NRG3: variants seen among roughly 807,000 people sequenced by gnomAD.
The protein encoded by NRG3 is pro-neuregulin-3, membrane-bound isoform.
In NRG3, 31 loss-of-function variants were observed where a neutral mutation model predicts 66.9. That is an observed-to-expected ratio of 0.46 (90% confidence interval 0.35 to 0.63). NRG3 has a LOEUF of 0.63. Among genes scored for constraint, NRG3 ranks in the 20% least tolerant of loss-of-function variants. The pLI, the probability that NRG3 is intolerant of heterozygous loss-of-function variation, is 0.00. For missense variants in NRG3, 910 were observed against 878.9 expected (o/e 1.04, Z -0.45); for synonymous variants, 393 against 359.4 (o/e 1.09, Z -1.06).
At chr10:82,398,522 T>TGAGA (rs756421839) in intron 2 of NRG3, among the ~76,000 whole-genome samples, 14,740 of 140,448 alleles carry the variant, frequency 0.1, 809 homozygotes, top group East Asian at 0.23. Context: ...TGTGTGTGTG[T>TGAGA]GTGTGAGAGA....
At chr10:82,764,319 G>A (rs1476883425) in intron 3 of NRG3, among the ~76,000 whole-genome samples, 2 of 151,830 alleles carry the variant, frequency 1.3e-5, no homozygotes, top group African/African-American at 4.8e-5. Flanking sequence ...ACAGGTGTGA[G>A]CCACCAGACC....
chr10:82,719,758 C>T (rs2057185740), intron 2 of NRG3, among the ~76,000 whole-genome samples: 1 of 152,146 alleles, frequency 6.6e-6, no homozygotes, highest in Non-Finnish European at 1.5e-5. Context: ...ACTTTATCAT[C>T]CCCTGCTTAG....
intron 1 of NRG3, among the ~76,000 whole-genome samples, chr10:82,322,694 T>C (rs2081640434): frequency 6.6e-6 from 1 of 152,208 alleles, no homozygotes; most frequent in African/African-American, 2.4e-5. Flanking sequence ...TTTGAGAATC[T>C]TTATGTACTA....
rs139287655 is a variant in NRG3, at chr10:82,477,052, A to G, written c.953+118184A>G. Among the ~76,000 whole-genome samples, 1,094 of 152,280 alleles carry G rather than the reference A, an allele frequency of 7.2e-3. 9 individuals carry two copies. The highest frequency in any genetic ancestry group is 0.051 in the Middle Eastern group (15 of 294). ...CCAGGGTGAACAGCAGAATCTGAGT[A>G]TAAAACCACATGTGAACTAGTGCTG... On this transcript the variant is annotated intron_variant, in intron 2 of 8. Coordinates refer to ENST00000372141, the MANE Select transcript of NRG3 (RefSeq NM_001010848.4).
At chr10:82,245,426 C>T (rs1314586463) in intron 1 of NRG3, among the ~76,000 whole-genome samples, 2 of 152,120 alleles carry the variant, frequency 1.3e-5, no homozygotes, top group Non-Finnish European at 1.5e-5. Context: ...GGCCAAAGAC[C>T]AATACAGGTC....
At chr10:82,702,925 A>G (rs2056000876) in intron 2 of NRG3, among the ~76,000 whole-genome samples, 1 of 152,112 alleles carries the variant, frequency 6.6e-6, no homozygotes, top group Non-Finnish European at 1.5e-5. Context: ...GAAAAATGGT[A>G]TATGTATAAT....
At chr10:82,661,237 C>A (rs2052335063) in intron 2 of NRG3, among the ~76,000 whole-genome samples, 1 of 152,140 alleles carries the variant, frequency 6.6e-6, no homozygotes, top group East Asian at 1.9e-4. Context: ...AACACACAAA[C>A]TAACTCAAGT....
intron 2 of NRG3, among the ~76,000 whole-genome samples, chr10:82,715,812 C>A (rs1446566026): frequency 6.6e-6 from 1 of 152,110 alleles, no homozygotes; most frequent in Non-Finnish European, 1.5e-5. Context: ...GTTCTGGAGG[C>A]TGGAGGTTGA....
At chr10:82,854,622 G>A (rs575901512) in intron 3 of NRG3, among the ~76,000 whole-genome samples, 18 of 152,194 alleles carry the variant, frequency 1.2e-4, no homozygotes, top group Non-Finnish European at 1.9e-4. Flanking sequence ...GGACAAGCCC[G>A]ACTTCCGAAG....
intron 2 of NRG3, among the ~76,000 whole-genome samples, chr10:82,560,982 C>T (rs759975475): frequency 6.6e-6 from 1 of 152,028 alleles, no homozygotes; most frequent in African/African-American, 2.4e-5. Context: ...TCTTTGCAGA[C>T]ATAGATCTAT....
At chr10:81,940,018 A>G (rs1397210412) in intron 1 of NRG3, among the ~76,000 whole-genome samples, 1 of 151,766 alleles carries the variant, frequency 6.6e-6, no homozygotes, top group Non-Finnish European at 1.5e-5. Flanking sequence ...TTTATGATTT[A>G]TTTTTGACTC....
At chr10:82,322,865 T>A (rs1391801155) in intron 1 of NRG3, among the ~76,000 whole-genome samples, 2 of 152,206 alleles carry the variant, frequency 1.3e-5, no homozygotes, top group Non-Finnish European at 2.9e-5. Flanking sequence ...TTTGATATGA[T>A]AACATTTGCT....
chr10:82,578,550 G>C (rs1288976307), intron 2 of NRG3, among the ~76,000 whole-genome samples: 1 of 151,584 alleles, frequency 6.6e-6, no homozygotes, highest in African/African-American at 2.4e-5. Flanking sequence ...GGTAAAGGTA[G>C]TATTATTCAT....
intron 3 of NRG3, among the ~76,000 whole-genome samples, chr10:82,762,831 C>G (rs2059381297): frequency 6.6e-6 from 1 of 152,122 alleles, no homozygotes; most frequent in Non-Finnish European, 1.5e-5. Flanking sequence ...CCCCAAAACC[C>G]ATGTTGAAGT....
At chr10:82,543,553 T>C (rs1007549047) in intron 2 of NRG3, among the ~76,000 whole-genome samples, 17 of 152,300 alleles carry the variant, frequency 1.1e-4, no homozygotes, top group African/African-American at 4.1e-4. Context: ...TTAATTCTTA[T>C]ATTGAATTTA....
rs111874725 is a variant in NRG3 at position 82,590,236 on chromosome 10, C to T, written c.954-148341C>T. On this transcript the variant is annotated intron_variant, in intron 2 of 8. Coordinates refer to ENST00000372141, the MANE Select transcript of NRG3 (RefSeq NM_001010848.4). ...AATTTTTAGCTCTAGCAAAACTTAA[C>T]GGTAATGATCAAGAATCTTGTAAGT... 1.7e-3 allele frequency among the ~76,000 whole-genome samples: 266 copies of T among 152,236 alleles called. 2 individuals carry two copies. Among genetic ancestry groups the T allele is most frequent in the African/African-American group, 5.9e-3 (244 of 41,540 alleles).
chr10:82,604,108 A>G (rs1216888900), intron 2 of NRG3, among the ~76,000 whole-genome samples: 1 of 152,150 alleles, frequency 6.6e-6, no homozygotes, highest in Non-Finnish European at 1.5e-5. Flanking sequence ...CATACATTCT[A>G]TGAGTTTTGA....
chr10:82,073,647 A>G (rs1590004679), intron 1 of NRG3, among the ~76,000 whole-genome samples: 1 of 152,144 alleles, frequency 6.6e-6, no homozygotes, highest in Non-Finnish European at 1.5e-5. Context: ...ATTATATAAT[A>G]GGGATGTGCT....
intron 2 of NRG3, among the ~76,000 whole-genome samples, chr10:82,632,696 T>C (rs1014906691): frequency 6.6e-6 from 1 of 152,230 alleles, no homozygotes; most frequent in African/African-American, 2.4e-5. Flanking sequence ...ATGTTTTAGG[T>C]ACCCCAAAAT....
Sources: gnomAD v4.1 joint callset for allele counts (sites outside exome capture counted in the v4.1 genomes callset) on GRCh38, gnomAD v4.1.1 for gene constraint, MANE v1.5 for transcripts, NCBI Gene and HGNC (gene_info 2026-07-23, HGNC 2026-07-21) for gene names.